ATP13A2: variants seen among roughly 807,000 people sequenced by gnomAD.
ATP13A2 encodes polyamine-transporting ATPase 13A2.
In ATP13A2, 83 loss-of-function variants were observed where a neutral mutation model predicts 138.3. That is an observed-to-expected ratio of 0.60 (90% CI 0.50 to 0.72). ATP13A2 has a LOEUF of 0.72. ATP13A2 is among the 30% of genes least tolerant of loss of function. ATP13A2 has a pLI of 0.00. For missense variants in ATP13A2, 1,402 were observed against 1,606.4 expected, an observed-to-expected ratio of 0.87 and a Z score of 2.17; for synonymous variants, 663 against 699.0, an observed-to-expected ratio of 0.95 and a Z score of 0.81.
rs575187743 is a variant in ATP13A2, at chr1:17,004,558, G to T, written c.477+134C>A. 1.5e-4 allele frequency: 242 copies of T among 1,571,954 alleles called. 1 individual carries two copies. In the South Asian group the frequency reaches 2.7e-3, roughly 17 times the overall value. On this transcript the variant is annotated intron_variant, in intron 5 of 28. Transcript: ENST00000326735. The surrounding 1 kb of genome is among the most constrained non-coding windows in gnomAD (Gnocchi z 4.1). ...TGGGGAGAGGCCTGAAAGTGTAAAC[G>T]TGCTCAGACAGCATCCTGGATGTTT...
chr1:16,994,204 T>TTATA (rs2077038019), intron 15 of ATP13A2, among the ~76,000 whole-genome samples: 1 of 151,128 alleles, frequency 6.6e-6, no homozygotes, highest in African/African-American at 2.4e-5. Flanking sequence ...TCTCATTTAT[T>TTATA]TATTTATTTA....
In ATP13A2 at chr1:17,002,375, T is replaced by C. The variant is rs1488100652; in HGVS notation, c.558-2A>G. On this transcript the variant is annotated splice_acceptor_variant, in intron 6 of 28. Transcript: ENST00000326735. LOFTEE classifies it high-confidence loss of function. ...CAAGAGCGGCCATGGTCCAGGAGGC[T>C]GGGGGTGGGTGCGAGGGGACACGCA... is the stretch of plus-strand genomic sequence containing the variant. 1.2e-6 allele frequency: 2 copies of C among 1,612,582 alleles called. No homozygotes were observed. The highest frequency in any genetic ancestry group is 1.1e-5 in the South Asian group (1 of 90,714).
intron 1 of ATP13A2, among the ~76,000 whole-genome samples, chr1:17,010,984 C>T (rs1023217201): frequency 2.0e-5 from 3 of 152,146 alleles, no homozygotes. Flanking sequence ...GGCTGTCTTT[C>T]CTCATTCCTT....
chr1:17,000,475 G>C lies in ATP13A2; in HGVS notation c.765C>G (p.His255Gln), dbSNP rs575103773. 6.2e-7 allele frequency: 1 copy of C among 1,613,982 alleles called. No individual in the cohort carries two copies. Among genetic ancestry groups the C allele is most frequent in the Non-Finnish European group, 8.5e-7 (1 of 1,179,988 alleles). ...AGATGCACAGGGCGTACCAGTAGTA[G>C]TGGTCAGCCAGCCACAGCGCGATGC... is the stretch of plus-strand genomic sequence containing the variant. ...AFSIALWLAD[H>Q]YYWYALCIFL... Residue 255 changes from histidine (H) to glutamine (Q), a missense_variant, in exon 9 of 29, where the codon CAC becomes CAG. Transcript: ENST00000326735.
At chr1:17,001,589 TTC>T (rs2077358462) in intron 8 of ATP13A2, among the ~76,000 whole-genome samples, 1 of 152,244 alleles carries the variant, frequency 6.6e-6, no homozygotes, top group Non-Finnish European at 1.5e-5. Context: ...GGTCACTGGC[TTC>T]TCTTTGTCCC....
Position 16,990,299 on chromosome 1 carries a change from G to C in ATP13A2, c.2252-12C>G, listed in dbSNP as rs56268651. The stretch of plus-strand genomic sequence containing the variant: ...CTGCAGGTTGTCCCCTGGGGGTTAT[G>C]GGGCAAGGTGAGGGTCTGAGGCTAT... On this transcript the variant is annotated splice_polypyrimidine_tract_variant and intron_variant, in intron 20 of 28. Transcript: ENST00000326735. The C allele has an allele frequency of 6.2e-7, 1 of 1,613,758 alleles. No homozygotes were observed. The highest frequency in any genetic ancestry group is 2.2e-5 in the East Asian group (1 of 44,892).
At position 17,005,449 on chromosome 1, in the gene ATP13A2, C is replaced by T; in HGVS notation, c.213G>A (p.Trp71Ter). The change falls in exon 3 of 29, where the codon TGG (tryptophan) becomes TGA (stop). Residue 71 changes from tryptophan to a stop codon, truncating the protein, a stop_gained. Coordinates refer to ENST00000326735, the MANE Select transcript of ATP13A2 (RefSeq NM_022089.4). LOFTEE classifies it high-confidence loss of function. ...AGGGCCGGAGCCGCAGCCGCACCCC[C>T]CACAGGGGCTTCCAACGGAAGAGCA... ...PLLLFRWKPLWGVRLRLRPCN... is the reference protein window; with the variant it reads ...PLLLFRWKPL The T allele has an allele frequency of 6.2e-7, 1 of 1,614,170 alleles. No individual in the cohort carries two copies. Among genetic ancestry groups the T allele is most frequent in the Non-Finnish European group, 8.5e-7 (1 of 1,180,020 alleles).
At chr1:16,996,946 AC>A (rs1222384826) in intron 12 of ATP13A2, 73 bp downstream of exon 12, 34 of 1,550,612 alleles carry the variant, frequency 2.2e-5, no homozygotes, top group Non-Finnish European at 3.0e-5. Flanking sequence ...TCCAGGTCCC[AC>A]CCTGCCTCAC....
rs754572673 is a variant in ATP13A2 at position 16,996,313 on chromosome 1, C to G, written c.1307-13G>C. 1 of 1,614,054 alleles carries G rather than the reference C, an allele frequency of 6.2e-7. No individual in the cohort carries two copies. The highest frequency in any genetic ancestry group is 1.1e-5 in the South Asian group (1 of 91,072). On this transcript the variant is annotated splice_polypyrimidine_tract_variant and intron_variant, in intron 13 of 28. Transcript: ENST00000326735. ...GTGCCGAGGAGAGCTGTGGGGACAG[C>G]GAAGGACTGAGTGGGATTTGGGACC...
intron 11 of ATP13A2, among the ~76,000 whole-genome samples, chr1:16,999,173 G>A (rs1234110049): frequency 1.3e-5 from 2 of 151,944 alleles, no homozygotes; most frequent in Non-Finnish European, 2.9e-5. Context: ...TTGAGGTCAG[G>A]AGTTCAAGAC....
rs971691142 is a variant in ATP13A2 at position 16,995,140 on chromosome 1, T to C, written c.1542+836A>G. Among the ~76,000 whole-genome samples the C allele has an allele frequency of 6.6e-6, 1 of 152,228 alleles. No individual in the cohort carries two copies. The highest frequency in any genetic ancestry group is 2.4e-5 in the African/African-American group (1 of 41,462). ...CCCCAGGCACACGGTACATCTGTGC[T>C]ATGACACTCCCACCTTTTACCCTTG... is the stretch of plus-strand genomic sequence containing the variant. On this transcript the variant is annotated intron_variant, in intron 15 of 28. Coordinates refer to ENST00000326735, the MANE Select transcript of ATP13A2 (RefSeq NM_022089.4). This position sits in a 1 kb window ranked among gnomAD's most constrained non-coding sequence, Gnocchi z 4.1.
intron 1 of ATP13A2, among the ~76,000 whole-genome samples, chr1:17,008,410 T>C (rs193188251): frequency 1.6e-4 from 25 of 152,334 alleles, no homozygotes; most frequent in African/African-American, 6.0e-4. Context: ...TTTGCCTCTC[T>C]GGGCTTCCAT....
In ATP13A2 at chr1:16,990,003, C is replaced by G. The variant is rs746533808; in HGVS notation, c.2413G>C (p.Asp805His). The change falls in exon 22 of 29, where the codon GAT becomes CAT. Residue 805 changes from aspartate (D) to histidine (H), a missense_variant and splice_region_variant. Physicochemically the swap from Asp to His is moderately conservative, Grantham distance 81. Coordinates refer to ENST00000326735, the MANE Select transcript of ATP13A2 (RefSeq NM_022089.4). ...ESPTAVNGVK[D>H]PDQAASYTVE... is the part of the protein sequence containing the mutation. ...GTGTAGCTTGCAGCCTGGTCAGGATCCTGGGGGCCCAGGAAGCTCAGCTTA... is the reference window on the plus strand; with the variant it reads ...GTGTAGCTTGCAGCCTGGTCAGGATGCTGGGGGCCCAGGAAGCTCAGCTTA... The G allele has an allele frequency of 6.2e-7, 1 of 1,612,246 alleles. No individual in the cohort carries two copies. Among genetic ancestry groups the G allele is most frequent in the East Asian group, 2.2e-5 (1 of 44,834 alleles).
rs1375021154 is a variant in ATP13A2 at position 17,004,578 on chromosome 1, A to G, written c.477+114T>C. 6 of 1,599,928 alleles carry G rather than the reference A, an allele frequency of 3.8e-6. No individual in the cohort carries two copies. Among genetic ancestry groups the G allele is most frequent in the Non-Finnish European group, 4.3e-6 (5 of 1,170,450 alleles). On this transcript the variant is annotated intron_variant, in intron 5 of 28. Transcript: ENST00000326735. The surrounding 1 kb of genome is among the most constrained non-coding windows in gnomAD (Gnocchi z 4.1). ...TAAACGTGCTCAGACAGCATCCTGG[A>G]TGTTTGGGACAACAGAACTAAAAGG...
At chr1:17,010,861 C>A (rs865832920) in intron 1 of ATP13A2, among the ~76,000 whole-genome samples, 14 of 152,142 alleles carry the variant, frequency 9.2e-5, no homozygotes, top group African/African-American at 4.8e-5. Flanking sequence ...CGGCCCAGGG[C>A]GGCTGCCTCC....
At position 17,004,495 on chromosome 1, in the gene ATP13A2, G is replaced by C. The variant is rs2077477280; in HGVS notation, c.478-84C>G. ...GCTTATGCTGGGAGCCGAGGGATGG[G>C]GGTAGGGGGCAGGGACTGGTGTCAC... On this transcript the variant is annotated intron_variant, in intron 5 of 28. Coordinates refer to ENST00000326735, the MANE Select transcript of ATP13A2 (RefSeq NM_022089.4). This position sits in a 1 kb window ranked among gnomAD's most constrained non-coding sequence, Gnocchi z 4.1. 2 of 1,562,450 alleles carry C rather than the reference G, an allele frequency of 1.3e-6. No individual in the cohort carries two copies. The highest frequency in any genetic ancestry group is 2.3e-5 in the South Asian group (2 of 88,044).
intron 6 of ATP13A2, among the ~76,000 whole-genome samples, chr1:17,002,748 C>T (rs1055481892): frequency 2.2e-4 from 34 of 152,112 alleles, no homozygotes; most frequent in Non-Finnish European, 1.5e-4. Context: ...GCACCTACCA[C>T]ATAGGGCCAT....
At chr1:16,993,596 G>C (rs202022573) in intron 16 of ATP13A2, 33 bp downstream of exon 16, 2 of 1,554,616 alleles carry the variant, frequency 1.3e-6, no homozygotes, top group East Asian at 4.7e-5. Context: ...CCACTGCCCA[G>C]AGGCAGGGGG....
rs539755398 is a variant in ATP13A2 at position 16,995,736 on chromosome 1, G to A, written c.1542+240C>T. 2.3e-5 allele frequency: 14 copies of A among 613,930 alleles called. No individual in the cohort carries two copies. Among genetic ancestry groups the A allele is most frequent in the South Asian group, 1.4e-4 (8 of 56,658 alleles). 38.0% of individuals were successfully genotyped at this position (613,930 alleles called of 1,614,324 possible). A position where few individuals can be genotyped will look rare whatever the true frequency, so the allele number is the denominator to read the frequency against. The stretch of plus-strand genomic sequence containing the variant: ...GCTGGGATTACAGACGTGAGCCACC[G>A]CGCCCGGCCCCCCACCAGTTCTTGA... On this transcript the variant is annotated intron_variant, in intron 15 of 28. Coordinates refer to ENST00000326735, the MANE Select transcript of ATP13A2 (RefSeq NM_022089.4). This position sits in a 1 kb window ranked among gnomAD's most constrained non-coding sequence, Gnocchi z 4.1.
Sources: gnomAD v4.1 joint callset for allele counts (sites outside exome capture counted in the v4.1 genomes callset) on GRCh38, gnomAD v4.1.1 for gene constraint, Gnocchi (gnomAD v3.1) non-coding constraint, MANE v1.5 for transcripts, NCBI Gene and HGNC (gene_info 2026-07-23, HGNC 2026-07-21) for gene names.